Variants in ARHGEF10 observed in about 807,000 individuals in gnomAD.
ARHGEF10 encodes Rho guanine nucleotide exchange factor (GEF) 10.
In ARHGEF10, 140 loss-of-function variants were observed where a neutral mutation model predicts 147.4. That is an observed-to-expected ratio of 0.95 (90% CI 0.83 to 1.09). ARHGEF10 has a LOEUF of 1.09. Among genes scored for constraint, ARHGEF10 ranks in the 50% least tolerant of loss-of-function variants. The pLI is 0.00. For synonymous variants in ARHGEF10, 902 were observed against 695.8 expected (o/e 1.30, Z -4.67); for missense variants, 2,222 against 1,752.7 (o/e 1.27, Z -4.78).
In ARHGEF10 at chr8:1,908,948, C is replaced by G. The variant is rs966400579; in HGVS notation, c.1968-347C>G. ...CTTATGAAACCGCCAGAGAATATCT[C>G]TATCCACATAGGAGACTTTTCCTGG... On this transcript the variant is annotated intron_variant, in intron 17 of 28. Transcript: ENST00000349830. Among the ~76,000 whole-genome samples the G allele has an allele frequency of 4.6e-5, 7 of 152,216 alleles. No homozygotes were observed. In the South Asian group the frequency reaches 1.0e-3, roughly 22 times the overall value.
Position 1,928,416 on chromosome 8 carries a change from C to G in ARHGEF10, c.2698-11C>G, listed in dbSNP as rs373012141. ...GTCGTTTTCTTCTTTCCTCCTAATTCTCTGATTCAGATCGGAAGTTGCACC... is the reference window on the plus strand; with the variant it reads ...GTCGTTTTCTTCTTTCCTCCTAATTGTCTGATTCAGATCGGAAGTTGCACC... On this transcript the variant is annotated splice_polypyrimidine_tract_variant and intron_variant, in intron 23 of 28. Coordinates refer to ENST00000349830, the MANE Select transcript of ARHGEF10 (RefSeq NM_014629.4). 6.7e-6 allele frequency: 10 copies of G among 1,488,462 alleles called. No homozygotes were observed. The highest frequency in any genetic ancestry group is 1.1e-5 in the South Asian group (1 of 89,064). 92.2% of individuals were successfully genotyped at this position (1,488,462 alleles called of 1,614,324 possible).
At position 1,894,552 on chromosome 8, in the gene ARHGEF10, G is replaced by T. The variant is rs1246095791; in HGVS notation, c.1420G>T (p.Gly474Cys). The T allele has an allele frequency of 1.9e-6, 3 of 1,614,052 alleles. No individual in the cohort carries two copies. The highest frequency in any genetic ancestry group is 2.5e-6 in the Non-Finnish European group (3 of 1,180,026). The change falls in exon 13 of 29, where the codon GGC (glycine) becomes TGC (cysteine). Residue 474 changes from glycine (G) to cysteine (C), a missense_variant. Physicochemically the swap from Gly to Cys is radical, Grantham distance 159. Coordinates refer to ENST00000349830, the MANE Select transcript of ARHGEF10 (RefSeq NM_014629.4). ...VSEWDSVEMI[G>C]DVFVASFSKS... ...CGAGTGGGACTCCGTGGAAATGATA[G>T]GCGATGTCTTCGTGGCTTCGGTAAT...
At chr8:1,889,449 A>G (rs1809197132) in intron 11 of ARHGEF10, among the ~76,000 whole-genome samples, 1 of 51,606 alleles carries the variant, frequency 1.9e-5, no homozygotes. Flanking sequence ...GGAGACACTG[A>G]GTGGGGTGAG....
chr8:1,897,913 C>G (rs1389845507), intron 14 of ARHGEF10, among the ~76,000 whole-genome samples: 3 of 152,120 alleles, frequency 2.0e-5, no homozygotes, highest in Admixed American at 6.5e-5. Flanking sequence ...GAGGCCGAGG[C>G]ACAGCCAGGT....
At chr8:1,894,779 G>T (rs967161482) in intron 13 of ARHGEF10, among the ~76,000 whole-genome samples, 3 of 152,232 alleles carry the variant, frequency 2.0e-5, no homozygotes, top group African/African-American at 7.2e-5. Context: ...AGGCCAAGGC[G>T]TTAGAAAGGC....
rs564730933 is a variant in ARHGEF10 at position 1,859,743 on chromosome 8, C to T, written c.194-154C>T. On this transcript the variant is annotated intron_variant, in intron 3 of 28. Transcript: ENST00000349830. ...CTGGGTTCCCCATGTGTGAGTGCTCCCTCCGAGGCCACCTGATGACCTGGG... is the reference window on the plus strand; with the variant it reads ...CTGGGTTCCCCATGTGTGAGTGCTCTCTCCGAGGCCACCTGATGACCTGGG... 1.1e-4 allele frequency among the ~76,000 whole-genome samples: 16 copies of T among 152,286 alleles called. No homozygotes were observed. In the South Asian group the frequency reaches 2.3e-3, roughly 22 times the overall value.
intron 10 of ARHGEF10, among the ~76,000 whole-genome samples, chr8:1,884,638 G>A (rs184915328): frequency 6.6e-6 from 1 of 152,280 alleles, no homozygotes; most frequent in East Asian, 1.9e-4. Context: ...GTGCAGCCAG[G>A]GTTTGGGATC....
At chr8:1,884,108 C>T (rs532333916) in intron 10 of ARHGEF10, among the ~76,000 whole-genome samples, 2 of 152,220 alleles carry the variant, frequency 1.3e-5, no homozygotes, top group African/African-American at 4.8e-5. Context: ...ATAGGCAAAT[C>T]CTTGGCCGGG....
intron 26 of ARHGEF10, among the ~76,000 whole-genome samples, chr8:1,943,259 T>C (rs570337525): frequency 6.6e-5 from 10 of 152,260 alleles, no homozygotes; most frequent in South Asian, 6.2e-4. Context: ...GAGTGAGACT[T>C]GTGCATGCTT....
intron 7 of ARHGEF10, among the ~76,000 whole-genome samples, chr8:1,874,595 A>C (rs1807485053): frequency 6.6e-6 from 1 of 152,260 alleles, no homozygotes; most frequent in African/African-American, 2.4e-5. Flanking sequence ...GTCCAGATAC[A>C]TACCGGGGTG....
intron 15 of ARHGEF10, 43 bp from the exon 16 acceptor site, chr8:1,903,238 G>C: frequency 1.2e-6 from 2 of 1,611,370 alleles, no homozygotes; most frequent in Non-Finnish European, 1.7e-6. Flanking sequence ...TGCACTGGGA[G>C]TGTCCACGTG....
Position 1,956,966 on chromosome 8 carries a change from G to A in ARHGEF10, c.3738G>A (p.Ser1246=), listed in dbSNP as rs3735876. ...DPDAAIWLGD[S]LGSMTQKSDL... is the part of the protein sequence containing the mutation. ...ACGCAGCCATCTGGTTGGGAGATTCGCTGGGATCGATGACTCAGAAAAGCG... is the reference window on the plus strand; with the variant it reads ...ACGCAGCCATCTGGTTGGGAGATTCACTGGGATCGATGACTCAGAAAAGCG... Residue 1246 remains serine, a synonymous_variant, in exon 29 of 29, where the codon TCG becomes TCA. Transcript: ENST00000349830. The A allele has an allele frequency of 0.38, 614,259 of 1,613,880 alleles. 118,987 individuals are homozygous for A. The highest frequency in any genetic ancestry group is 0.52 in the East Asian group (23,534 of 44,870).
intron 2 of ARHGEF10, among the ~76,000 whole-genome samples, chr8:1,850,154 C>T (rs1386015986): frequency 7.3e-6 from 1 of 136,252 alleles, no homozygotes; most frequent in Admixed American, 7.3e-5. Context: ...TGTGGGGCGG[C>T]CACGTGGACA....
chr8:1,953,164 G>T (rs1815194071), intron 28 of ARHGEF10, among the ~76,000 whole-genome samples: 1 of 146,896 alleles, frequency 6.8e-6, no homozygotes, highest in Admixed American at 6.6e-5. Flanking sequence ...TGTGAAGAAG[G>T]AAGCCGGGAT....
chr8:1,854,540 G>A (rs1319060441), intron 2 of ARHGEF10, among the ~76,000 whole-genome samples: 1 of 147,682 alleles, frequency 6.8e-6, no homozygotes, highest in African/African-American at 2.4e-5. Context: ...ATGGAGGGCA[G>A]CTCCGCCAGT....
chr8:1,864,609 TA>T (rs1417226600), intron 5 of ARHGEF10, among the ~76,000 whole-genome samples, 173 bp downstream of exon 5: 1 of 152,184 alleles, frequency 6.6e-6, no homozygotes, highest in Non-Finnish European at 1.5e-5. Context: ...CCTGGAAATG[TA>T]GGGTCAGGAC....
At chr8:1,862,849 G>A (rs1030596719) in intron 4 of ARHGEF10, among the ~76,000 whole-genome samples, 1 of 148,956 alleles carries the variant, frequency 6.7e-6, no homozygotes, top group African/African-American at 2.5e-5. Context: ...CGGGATCTCG[G>A]CTCACTGCAA....
At chr8:1,834,851 G>A (rs1803484074) in intron 1 of ARHGEF10, among the ~76,000 whole-genome samples, 1 of 152,222 alleles carries the variant, frequency 6.6e-6, no homozygotes, top group South Asian at 2.1e-4. Flanking sequence ...GGCTCCCGTG[G>A]TGCATCAGGG....
In ARHGEF10 at chr8:1,823,999, C is replaced by CGCGGGGGACGCGGGGGACG. The variant is rs1563137232; in HGVS notation, c.-152_-151insCGGGGGACGGCGGGGGACG. ...ACGGGGTCGCGGGGGACGCGGGGGA[C>CGCGGGGGACGCGGGGGACG]GCGGGGGACGGCGGGGAACGGCGGG... is the stretch of plus-strand genomic sequence containing the variant. On this transcript the variant is annotated 5_prime_UTR_variant, in exon 1 of 29. Coordinates refer to ENST00000349830, the MANE Select transcript of ARHGEF10 (RefSeq NM_014629.4). 7.6e-5 allele frequency: 6 copies of CGCGGGGGACGCGGGGGACG among 79,388 alleles called. No individual in the cohort carries two copies. Among genetic ancestry groups the CGCGGGGGACGCGGGGGACG allele is most frequent in the Admixed American group, 2.9e-4 (2 of 6,876 alleles). 4.9% of individuals were successfully genotyped at this position (79,388 alleles called of 1,614,324 possible). A position where few individuals can be genotyped will look rare whatever the true frequency, so the allele number is the denominator to read the frequency against.
Sources: gnomAD v4.1 joint callset for allele counts (sites outside exome capture counted in the v4.1 genomes callset) on GRCh38, gnomAD v4.1.1 for gene constraint, MANE v1.5 for transcripts, NCBI Gene and HGNC (gene_info 2026-07-23, HGNC 2026-07-21) for gene names.